The following MAMDC2 variants were observed in gnomAD, a reference collection of about 807,000 sequenced individuals.
The protein encoded by MAMDC2 is MAM domain containing 2, also known as MAM domain-containing protein 2.
MAMDC2 carries 57 observed loss-of-function variants against 89.8 expected under a neutral mutation model. That is an observed-to-expected ratio of 0.63 (90% confidence interval 0.51 to 0.79). The LOEUF (loss-of-function observed/expected upper bound fraction) is 0.79, where lower values mean the gene tolerates loss of function less well. Ranked by LOEUF, MAMDC2 falls within the 30% of genes least tolerant of loss-of-function variation. The pLI is 0.00. For synonymous variants in MAMDC2, 313 were observed against 293.4 expected (o/e 1.07, Z -0.68); for missense variants, 800 against 820.6 (o/e 0.97, Z 0.31).
rs1364434753 is a variant in MAMDC2 at position 70,119,160 on chromosome 9, C to A, written c.643+6028C>A. ...GAGGTAACCTACTGACAGCTCAGATCATTACTGTTTTCTACATACCTTAGC... is the reference window on the plus strand; with the variant it reads ...GAGGTAACCTACTGACAGCTCAGATAATTACTGTTTTCTACATACCTTAGC... On this transcript the variant is annotated intron_variant, in intron 5 of 13. Transcript: ENST00000377182. 1.4e-4 allele frequency among the ~76,000 whole-genome samples: 18 copies of A among 131,278 alleles called. No individual in the cohort carries two copies. In the South Asian group the frequency reaches 4.1e-3, roughly 30 times the overall value. 86.1% of individuals were successfully genotyped at this position (131,278 alleles called of 152,430 possible). A position where few individuals can be genotyped will look rare whatever the true frequency, so the allele number is the denominator to read the frequency against.
chr9:70,199,179 G>T (rs2033042850), intron 11 of MAMDC2, among the ~76,000 whole-genome samples: 1 of 125,846 alleles, frequency 7.9e-6, no homozygotes, highest in African/African-American at 2.9e-5. Context: ...CTAGCATTAG[G>T]TATATCTCCC....
chr9:70,060,815 T>G lies in MAMDC2; in HGVS notation c.148+16118T>G, dbSNP rs570098278. 3.9e-5 allele frequency among the ~76,000 whole-genome samples: 6 copies of G among 152,260 alleles called. No individual in the cohort carries two copies. The South Asian group carries it at 1.2e-3, about 32-fold the overall frequency. On this transcript the variant is annotated intron_variant, in intron 2 of 13. Transcript: ENST00000377182. ...ATGTTGAATTGGTTGAATGAATTGT[T>G]TAAACAATTGTCTTAATTCTCTTCC...
At chr9:70,150,240 A>T (rs1040900122) in intron 9 of MAMDC2, among the ~76,000 whole-genome samples, 1 of 152,208 alleles carries the variant, frequency 6.6e-6, no homozygotes, top group African/African-American at 2.4e-5. Context: ...GCCATTGAGA[A>T]AGGAGTTTTA....
intron 2 of MAMDC2, among the ~76,000 whole-genome samples, chr9:70,051,928 C>T (rs2997660): frequency 0.28 from 26,164 of 92,976 alleles, 2,313 homozygotes; most frequent in Admixed American, 0.3. Flanking sequence ...GATAGATAGA[C>T]AGACAGATAG....
chr9:70,218,594 C>T lies in MAMDC2; in HGVS notation c.1909C>T (p.Gln637Ter). The T allele has an allele frequency of 6.2e-7, 1 of 1,602,220 alleles. No individual in the cohort carries two copies. Among genetic ancestry groups the T allele is most frequent in the Non-Finnish European group, 8.5e-7 (1 of 1,172,356 alleles). Residue 637 changes from glutamine (Q) to a stop codon, truncating the protein, a stop_gained and splice_region_variant, in exon 12 of 14, where the codon CAG becomes TAG. Transcript: ENST00000377182. LOFTEE classifies it high-confidence loss of function. ...LIEYSCERQH[Q>*]IIFEAIRGVS... ...TGAATACAGCTGTGAGAGGCAACAC[C>T]AGGTAAGCCAACAGAGATAAGAACT...
At chr9:70,161,849 G>A (rs1202941160) in intron 9 of MAMDC2, among the ~76,000 whole-genome samples, 1 of 152,184 alleles carries the variant, frequency 6.6e-6, no homozygotes, top group Admixed American at 6.6e-5. Flanking sequence ...CACCAACTCT[G>A]TAGTTGTCGT....
intron 11 of MAMDC2, among the ~76,000 whole-genome samples, chr9:70,186,816 C>T (rs1396918748): frequency 6.6e-6 from 1 of 152,188 alleles, no homozygotes; most frequent in Non-Finnish European, 1.5e-5. Flanking sequence ...GGCATGTCAA[C>T]ATGGTGAGAC....
intron 12 of MAMDC2, among the ~76,000 whole-genome samples, chr9:70,219,157 A>C (rs1473486534): frequency 6.6e-6 from 1 of 152,108 alleles, no homozygotes; most frequent in Non-Finnish European, 1.5e-5. Context: ...TGTCCATCCT[A>C]GATGTTCTCT....
intron 11 of MAMDC2, among the ~76,000 whole-genome samples, chr9:70,186,224 A>G (rs1379129783): frequency 6.6e-6 from 1 of 151,688 alleles, no homozygotes; most frequent in Non-Finnish European, 1.5e-5. Flanking sequence ...CTACATTTCC[A>G]TGTTTATCTC....
At chr9:70,197,905 G>T (rs1407015775) in intron 11 of MAMDC2, among the ~76,000 whole-genome samples, 1 of 151,964 alleles carries the variant, frequency 6.6e-6, no homozygotes, top group Non-Finnish European at 1.5e-5. Context: ...ACTTTACAAT[G>T]CCTGGGTCAT....
chr9:70,048,647 T>TA (rs1029234483), intron 2 of MAMDC2, among the ~76,000 whole-genome samples: 16 of 152,090 alleles, frequency 1.1e-4, no homozygotes, highest in African/African-American at 1.9e-4. Flanking sequence ...ATTTATCCTA[T>TA]AAAAAAAATC....
intron 5 of MAMDC2, among the ~76,000 whole-genome samples, chr9:70,122,408 TA>T (rs993753401): frequency 2.0e-5 from 3 of 152,198 alleles, no homozygotes; most frequent in Non-Finnish European, 4.4e-5. Context: ...TACTACCCTT[TA>T]AAGACAACTC....
chr9:70,044,276 T>C, intron 1 of MAMDC2, 45 bp downstream of exon 1: 2 of 1,595,864 alleles, frequency 1.3e-6, no homozygotes, highest in Non-Finnish European at 1.7e-6. Context: ...CTCTGACGAC[T>C]CGCCCCCGCT....
intron 5 of MAMDC2, 75 bp downstream of exon 5, chr9:70,113,207 C>G: frequency 1.3e-6 from 2 of 1,520,290 alleles, no homozygotes; most frequent in South Asian, 2.4e-5. Flanking sequence ...CTGCACTGAC[C>G]TAGCTGTGGC....
At chr9:70,152,279 CGCT>C (rs200615303) in intron 9 of MAMDC2, among the ~76,000 whole-genome samples, 10,438 of 152,152 alleles carry the variant, frequency 0.069, 559 homozygotes, top group East Asian at 0.22. Flanking sequence ...GATGAAGCAA[CGCT>C]AAGAGTTTCC....
chr9:70,074,065 C>G (rs1388636524), intron 2 of MAMDC2, among the ~76,000 whole-genome samples: 2 of 152,178 alleles, frequency 1.3e-5, no homozygotes, highest in African/African-American at 4.8e-5. Context: ...GAATCAAATC[C>G]TCTACCCCAG....
chr9:70,055,031 C>T (rs558952192), intron 2 of MAMDC2, among the ~76,000 whole-genome samples: 2 of 152,170 alleles, frequency 1.3e-5, no homozygotes, highest in Admixed American at 6.5e-5. Context: ...CTCCTGGAGA[C>T]TTAGCGAGAC....
At chr9:70,115,198 A>G (rs1013712505) in intron 5 of MAMDC2, among the ~76,000 whole-genome samples, 13 of 152,174 alleles carry the variant, frequency 8.5e-5, no homozygotes, top group African/African-American at 2.7e-4. Flanking sequence ...ATTTCAATAG[A>G]TGGAGAGTAA....
At chr9:70,070,517 T>C (rs1368510021) in intron 2 of MAMDC2, among the ~76,000 whole-genome samples, 2 of 152,178 alleles carry the variant, frequency 1.3e-5, no homozygotes, top group Non-Finnish European at 2.9e-5. Flanking sequence ...TCTGTAGGTG[T>C]TGAGCAACAT....
Sources: allele counts gnomAD v4.1 joint callset (sites outside exome capture counted in the v4.1 genomes callset), GRCh38; gene constraint gnomAD v4.1.1; transcripts MANE v1.5; gene names NCBI Gene and HGNC (gene_info 2026-07-23, HGNC 2026-07-21).